Variants in ERC2 observed in about 807,000 individuals in gnomAD.
ERC2 encodes ERC protein 2.
In ERC2, 42 loss-of-function variants were observed where a neutral mutation model predicts 114.8. The ratio of observed to expected loss-of-function variants is 0.37; its 90% CI spans 0.29 to 0.47. The LOEUF is 0.47. ERC2 is among the 20% of genes least tolerant of loss of function. The pLI is 0.99. For missense variants in ERC2, 939 were observed against 1,150.7 expected (o/e 0.82, Z 2.66); for synonymous variants, 454 against 425.5 (o/e 1.07, Z -0.82).
At chr3:55,664,384 G>A (rs1335468886) in intron 17 of ERC2, among the ~76,000 whole-genome samples, 1 of 152,198 alleles carries the variant, frequency 6.6e-6, no homozygotes, top group African/African-American at 2.4e-5. Context: ...CTGTCAACAA[G>A]CTTGGTTTCT....
chr3:56,295,771 C>T (rs2055388872), intron 3 of ERC2, among the ~76,000 whole-genome samples: 1 of 152,202 alleles, frequency 6.6e-6, no homozygotes, highest in South Asian at 2.1e-4. Context: ...AACCAACTTA[C>T]AGTTGATATG....
chr3:55,874,403 T>C (rs886598242), intron 14 of ERC2, among the ~76,000 whole-genome samples: 3 of 152,158 alleles, frequency 2.0e-5, no homozygotes, highest in Non-Finnish European at 2.9e-5. Flanking sequence ...GCAGCAGTCA[T>C]TCATGTTGAA....
At chr3:56,371,654 G>T (rs762869579) in intron 2 of ERC2, among the ~76,000 whole-genome samples, 50 of 152,310 alleles carry the variant, frequency 3.3e-4, no homozygotes, top group Non-Finnish European at 5.7e-4. Flanking sequence ...TTTCAGTGAG[G>T]CAGTACATTC....
intron 7 of ERC2, among the ~76,000 whole-genome samples, chr3:56,039,884 G>A (rs2075026777): frequency 6.6e-6 from 1 of 152,138 alleles, no homozygotes; most frequent in African/African-American, 2.4e-5. Flanking sequence ...CCGGGAACAT[G>A]CAATAGGGGA....
At chr3:56,339,530 A>G (rs935202307) in intron 2 of ERC2, among the ~76,000 whole-genome samples, 3 of 152,148 alleles carry the variant, frequency 2.0e-5, no homozygotes, top group Non-Finnish European at 4.4e-5. Flanking sequence ...CTCTGACTTC[A>G]CATAGGCAAA....
chr3:56,275,716 G>C (rs1193260573), intron 3 of ERC2, among the ~76,000 whole-genome samples: 2 of 152,186 alleles, frequency 1.3e-5, no homozygotes, highest in African/African-American at 4.8e-5. Flanking sequence ...TGTTGATGCT[G>C]GTTGCTGGAC....
chr3:55,610,581 G>A (rs1022718193), intron 17 of ERC2: 2 of 150,096 alleles, frequency 1.3e-5, no homozygotes, highest in African/African-American at 5.0e-5. Context: ...CGAACCTGTA[G>A]TACCAACTAT....
chr3:55,951,449 T>C (rs1291037552), intron 12 of ERC2, among the ~76,000 whole-genome samples: 1 of 152,156 alleles, frequency 6.6e-6, no homozygotes. Context: ...AATCATAAAG[T>C]GATCAAGTGA....
At chr3:56,070,202 C>T (rs2076665640) in intron 7 of ERC2, among the ~76,000 whole-genome samples, 1 of 152,138 alleles carries the variant, frequency 6.6e-6, no homozygotes, top group African/African-American at 2.4e-5. Context: ...GAACATTTTC[C>T]TTCCCACATA....
rs111590217 is a variant in ERC2, at chr3:55,887,184, C to T, written c.2564+1205G>A. Among the ~76,000 whole-genome samples, 300 of 152,274 alleles carry T rather than the reference C, an allele frequency of 2.0e-3. 2 individuals carry two copies. The highest frequency in any genetic ancestry group is 3.5e-3 in the Non-Finnish European group (239 of 68,032). ...ATCTCTCTGAGTCTCAGCTCCCTCA[C>T]CTCTGAACTGAGTATAATAATACCT... On this transcript the variant is annotated intron_variant, in intron 14 of 17. Coordinates refer to ENST00000288221, the MANE Select transcript of ERC2 (RefSeq NM_015576.3).
chr3:55,958,784 G>T (rs1585225), intron 12 of ERC2, among the ~76,000 whole-genome samples: 1 of 152,094 alleles, frequency 6.6e-6, no homozygotes. Flanking sequence ...ACAGGAGCAG[G>T]CACCAGGAGT....
At chr3:55,878,086 G>A (rs1483700731) in intron 14 of ERC2, among the ~76,000 whole-genome samples, 2 of 152,170 alleles carry the variant, frequency 1.3e-5, no homozygotes, top group Non-Finnish European at 2.9e-5. Context: ...CCATGCGGCT[G>A]CTGTGAAGAT....
chr3:56,128,534 A>C (rs1002440440), intron 6 of ERC2, among the ~76,000 whole-genome samples: 2 of 152,166 alleles, frequency 1.3e-5, no homozygotes, highest in Non-Finnish European at 2.9e-5. Context: ...AATGTGGTTT[A>C]AGTTTTTCCA....
At chr3:56,087,370 A>G in intron 6 of ERC2, among the ~76,000 whole-genome samples, 1 of 152,184 alleles carries the variant, frequency 6.6e-6, no homozygotes, top group East Asian at 1.9e-4. Context: ...GTTAAGCATT[A>G]TTAATCTTCA....
At chr3:55,538,047 A>C (rs919451743) in intron 17 of ERC2, among the ~76,000 whole-genome samples, 1 of 152,288 alleles carries the variant, frequency 6.6e-6, no homozygotes, top group East Asian at 1.9e-4. Context: ...ATTTAGGATA[A>C]AACTGGTATC....
intron 17 of ERC2, among the ~76,000 whole-genome samples, chr3:55,575,834 C>G (rs550923305): frequency 6.6e-6 from 1 of 152,204 alleles, no homozygotes; most frequent in Non-Finnish European, 1.5e-5. Context: ...GACTTTGTGC[C>G]AAGCCCTGGG....
chr3:55,518,062 C>T (rs2052655668), intron 17 of ERC2, among the ~76,000 whole-genome samples: 1 of 152,068 alleles, frequency 6.6e-6, no homozygotes, highest in South Asian at 2.1e-4. Context: ...TGTTTAGCAG[C>T]ATGCCAAGCC....
At chr3:55,691,573 A>AAATAAATATATAT (rs1553631525) in intron 16 of ERC2, among the ~76,000 whole-genome samples, 1 of 39,742 alleles carries the variant, frequency 2.5e-5, no homozygotes, top group Non-Finnish European at 4.6e-5. Flanking sequence ...AAAAAAAAAA[A>AAATAAATATATAT]ATATATATAT....
At chr3:55,965,244 T>C (rs2068665311) in intron 12 of ERC2, among the ~76,000 whole-genome samples, 1 of 152,194 alleles carries the variant, frequency 6.6e-6, no homozygotes, top group African/African-American at 2.4e-5. Flanking sequence ...CCAATAGAAC[T>C]TTCTGCAATT....
Sources: gnomAD v4.1 joint callset for allele counts (sites outside exome capture counted in the v4.1 genomes callset) on GRCh38, gnomAD v4.1.1 for gene constraint, MANE v1.5 for transcripts, NCBI Gene and HGNC (gene_info 2026-07-23, HGNC 2026-07-21) for gene names.